The following SLAIN2 variants were observed in gnomAD, a reference collection of about 807,000 sequenced individuals.
The protein encoded by SLAIN2 is SLAIN motif-containing protein 2.
Under a neutral mutation model 56.6 loss-of-function variants are expected in SLAIN2, and 31 were observed. The observed-to-expected ratio is 0.55, with a 90% CI of 0.41 to 0.74. The LOEUF (loss-of-function observed/expected upper bound fraction) is 0.74, where lower values mean the gene tolerates loss of function less well. SLAIN2 is among the 30% of genes least tolerant of loss of function. The probability of loss-of-function intolerance (pLI) is 0.00; values close to 1 mark genes in which losing one functional copy is unlikely to be tolerated. For missense variants in SLAIN2, 777 were observed against 754.2 expected (o/e 1.03, Z -0.35); for synonymous variants, 317 against 284.9 (o/e 1.11, Z -1.13).
chr4:48,383,332 AAAAT>A (rs1716019458), intron 5 of SLAIN2, among the ~76,000 whole-genome samples: 1 of 152,124 alleles, frequency 6.6e-6, no homozygotes, highest in Non-Finnish European at 1.5e-5. Context: ...AATCATTACA[AAAAT>A]AAAAGAGAAA....
chr4:48,408,218 C>T (rs1359959651), intron 6 of SLAIN2, among the ~76,000 whole-genome samples: 34 of 152,006 alleles, frequency 2.2e-4, no homozygotes. Context: ...TGGTCCCAGC[C>T]ACTCAGGAGG....
chr4:48,341,723 G>T lies in SLAIN2; in HGVS notation c.-17G>T. ...GAGCGAGCGGGCGGCGGAGGCGGCG[G>T]CGGCGGCGGGGCCGGGATGGAGGAC... On this transcript the variant is annotated 5_prime_UTR_variant, in exon 1 of 8. Coordinates refer to ENST00000264313, the MANE Select transcript of SLAIN2 (RefSeq NM_020846.2). The T allele has an allele frequency of 6.6e-7, 1 of 1,524,978 alleles. No homozygotes were observed. Among genetic ancestry groups the T allele is most frequent in the Non-Finnish European group, 8.8e-7 (1 of 1,136,238 alleles). 94.5% of individuals were successfully genotyped at this position (1,524,978 alleles called of 1,614,324 possible). A position where few individuals can be genotyped will look rare whatever the true frequency, so the allele number is the denominator to read the frequency against.
At chr4:48,393,302 C>T (rs1193111739) in intron 6 of SLAIN2, among the ~76,000 whole-genome samples, 3 of 152,102 alleles carry the variant, frequency 2.0e-5, no homozygotes, top group African/African-American at 4.8e-5. Flanking sequence ...CAGCTCACTG[C>T]AGCCATAACC....
At chr4:48,389,966 A>G (rs1345650494) in intron 6 of SLAIN2, among the ~76,000 whole-genome samples, 1 of 152,240 alleles carries the variant, frequency 6.6e-6, no homozygotes, top group African/African-American at 2.4e-5. Flanking sequence ...AGGTGAGACT[A>G]GAAACCACTT....
intron 6 of SLAIN2, among the ~76,000 whole-genome samples, chr4:48,396,132 G>T (rs1006015240): frequency 6.6e-6 from 1 of 152,016 alleles, no homozygotes; most frequent in Non-Finnish European, 1.5e-5. Context: ...GCCTATAGGG[G>T]TTACATTATT....
chr4:48,375,742 C>T (rs1715794389), intron 2 of SLAIN2, among the ~76,000 whole-genome samples: 1 of 152,164 alleles, frequency 6.6e-6, no homozygotes, highest in Non-Finnish European at 1.5e-5. Context: ...CTGGCTCCAG[C>T]TGGTTTTATC....
chr4:48,423,291 C>T lies in SLAIN2; in HGVS notation c.*1214C>T, dbSNP rs533816385. 6.6e-6 allele frequency: 1 copy of T among 152,072 alleles called. No individual in the cohort carries two copies. The highest frequency in any genetic ancestry group is 1.9e-4 in the East Asian group (1 of 5,180). The allele number at this position is 152,072 out of a possible 1,614,324, so 9.4% of individuals were successfully genotyped here. On this transcript the variant is annotated 3_prime_UTR_variant, in exon 8 of 8. Transcript: ENST00000264313. ...CATTTTTGGTAAAAAAAAAACCCTA[C>T]TACGTATGACTCTAACCTGATACTT...
chr4:48,414,550 A>G (rs1316481846), intron 6 of SLAIN2, among the ~76,000 whole-genome samples: 1 of 136,952 alleles, frequency 7.3e-6, no homozygotes, highest in Non-Finnish European at 1.6e-5. Context: ...TTGGTGTGGT[A>G]TTTTTTTTTT....
At chr4:48,357,632 C>CTCCACT (rs1292154785) in intron 1 of SLAIN2, among the ~76,000 whole-genome samples, 4 of 152,182 alleles carry the variant, frequency 2.6e-5, no homozygotes, top group African/African-American at 4.8e-5. Context: ...TCACCGCAGC[C>CTCCACT]TCCACTTCCA....
intron 1 of SLAIN2, among the ~76,000 whole-genome samples, chr4:48,354,014 G>A (rs1441963312): frequency 2.6e-5 from 4 of 152,096 alleles, no homozygotes; most frequent in African/African-American, 7.2e-5. Context: ...GGGGATGTCC[G>A]TAAGAAGCAG....
At position 48,420,373 on chromosome 4, in the gene SLAIN2, C is replaced by T; in HGVS notation, c.1609C>T (p.Pro537Ser). 6.2e-7 allele frequency: 1 copy of T among 1,614,024 alleles called. No individual in the cohort carries two copies. Among genetic ancestry groups the T allele is most frequent in the Non-Finnish European group, 8.5e-7 (1 of 1,179,880 alleles). The change falls in exon 7 of 8, where the codon CCC becomes TCC. Residue 537 changes from proline (P) to serine (S), a missense_variant. By Grantham distance (74) the Pro-to-Ser change is moderately conservative. Coordinates refer to ENST00000264313, the MANE Select transcript of SLAIN2 (RefSeq NM_020846.2). ...GACAACTGCAATGAGAAGTGGCTTG[C>T]CCAGACCCAGTGCCCCTTCTGCTGG... ...AGTTAMRSGLPRPSAPSAGGI... is the reference protein window; with the variant it reads ...AGTTAMRSGLSRPSAPSAGGI...
chr4:48,342,475 G>C (rs1714740038), intron 1 of SLAIN2, among the ~76,000 whole-genome samples: 3 of 152,174 alleles, frequency 2.0e-5, no homozygotes, highest in Admixed American at 6.5e-5. Context: ...CTTTGTGTAA[G>C]ATACTGGCTT....
At chr4:48,409,863 G>A (rs1296689090) in intron 6 of SLAIN2, among the ~76,000 whole-genome samples, 1 of 152,096 alleles carries the variant, frequency 6.6e-6, no homozygotes, top group Non-Finnish European at 1.5e-5. Context: ...CAGCCTAGAC[G>A]ACAGAGCAAG....
intron 5 of SLAIN2, among the ~76,000 whole-genome samples, 181 bp downstream of exon 5, chr4:48,383,108 C>T (rs1716012827): frequency 7.1e-6 from 1 of 140,984 alleles, no homozygotes; most frequent in African/African-American, 2.7e-5. Flanking sequence ...TTCAAAGCTA[C>T]AGTGAGCTGT....
intron 6 of SLAIN2, among the ~76,000 whole-genome samples, chr4:48,389,565 G>T (rs1039208297): frequency 1.3e-5 from 2 of 152,204 alleles, no homozygotes; most frequent in African/African-American, 4.8e-5. Context: ...ACAGAGGAGA[G>T]GCATTAAATT....
At chr4:48,346,236 G>T (rs180771936) in intron 1 of SLAIN2, among the ~76,000 whole-genome samples, 61 of 152,180 alleles carry the variant, frequency 4.0e-4, no homozygotes, top group Admixed American at 1.6e-3. Flanking sequence ...TCTAGACACT[G>T]CTTATTTTTC....
At chr4:48,360,633 T>C (rs1015303991) in intron 1 of SLAIN2, among the ~76,000 whole-genome samples, 1 of 152,046 alleles carries the variant, frequency 6.6e-6, no homozygotes, top group Non-Finnish European at 1.5e-5. Flanking sequence ...AGAAATAAAG[T>C]GTACTGTGGT....
chr4:48,421,965 A>G (rs1488838097), intron 7 of SLAIN2, 46 bp from the exon 8 acceptor site: 2 of 1,421,354 alleles, frequency 1.4e-6, no homozygotes, highest in East Asian at 4.8e-5. Context: ...GTACTATTTC[A>G]TAAAGACATT....
chr4:48,342,229 C>A (rs1399397610), intron 1 of SLAIN2, 101 bp downstream of exon 1: 1 of 1,285,584 alleles, frequency 7.8e-7, no homozygotes, highest in East Asian at 3.1e-5. Flanking sequence ...TTTGTGTAGC[C>A]GGGTCCGCTC....
Sources: gnomAD v4.1 joint callset for allele counts (sites outside exome capture counted in the v4.1 genomes callset) on GRCh38, gnomAD v4.1.1 for gene constraint, MANE v1.5 for transcripts, NCBI Gene and HGNC (gene_info 2026-07-23, HGNC 2026-07-21) for gene names.